Variants in SEC16B observed in about 807,000 individuals in gnomAD.
SEC16B encodes the protein protein transport protein Sec16B.
SEC16B carries 115 observed loss-of-function variants against 141.8 expected under a neutral mutation model. The ratio of observed to expected loss-of-function variants is 0.81; its 90% CI spans 0.70 to 0.95. The LOEUF (loss-of-function observed/expected upper bound fraction) is 0.95. Among genes scored for constraint, SEC16B ranks in the 40% least tolerant of loss-of-function variants. The probability of loss-of-function intolerance (pLI) is 0.00; values close to 1 mark genes in which losing one functional copy is unlikely to be tolerated. For synonymous variants in SEC16B, 493 were observed against 492.5 expected (o/e 1.00, Z -0.01); for missense variants, 1,291 against 1,312.3 (o/e 0.98, Z 0.25).
chr1:177,931,287 C>A (rs1327725477), intron 24 of SEC16B, among the ~76,000 whole-genome samples: 5 of 152,118 alleles, frequency 3.3e-5, no homozygotes, highest in Non-Finnish European at 5.9e-5. Context: ...TTGGATGAAG[C>A]CGGAGTCCAT....
At chr1:177,973,497 A>T (rs12087891), upstream of SEC16B, among the ~76,000 whole-genome samples, 17,775 of 152,222 alleles carry the variant, frequency 0.12, 1,770 homozygotes, top group African/African-American at 0.27. Flanking sequence ...ATTTTTAATC[A>T]ATAGTGTTAG....
At chr1:177,959,936 G>A (rs1254787824) in intron 8 of SEC16B, 1 of 224,644 alleles carries the variant, frequency 4.5e-6, no homozygotes, top group Non-Finnish European at 8.8e-6. Flanking sequence ...CTTGAACACT[G>A]CCGATCTTAT....
intron 5 of SEC16B, 32 bp downstream of exon 5, chr1:177,964,139 C>T (rs1202708752): frequency 2.0e-6 from 3 of 1,504,550 alleles, no homozygotes; most frequent in South Asian, 1.2e-5. Context: ...CACATGGCCA[C>T]AGTCTCCAGC....
At chr1:177,932,673 C>T (rs1650528759) in intron 23 of SEC16B, 25 bp downstream of exon 23, 1 of 1,545,776 alleles carries the variant, frequency 6.5e-7, no homozygotes. Context: ...CCACCCATGG[C>T]CCAGAGGACG....
Position 177,941,963 on chromosome 1 carries a change from A to C in SEC16B, c.1959T>G (p.Ile653Met). ...VSQALHYCEA[I>M]GAAVLSQGES... Reference sequence around the variant, plus strand: ...CTCCCTGGCTCAAGACAGCTGCACCAATGGCTTCGCAGTAATGCAAAGCCT... The same window carrying C: ...CTCCCTGGCTCAAGACAGCTGCACCCATGGCTTCGCAGTAATGCAAAGCCT... The change falls in exon 16 of 26, where the codon ATT becomes ATG. Residue 653 changes from isoleucine to methionine, a missense_variant. This residue lies in a region of SEC16B where 605 missense variants were observed against 614.1 expected (regional missense o/e 0.99). Transcript: ENST00000308284. The C allele has an allele frequency of 6.2e-7, 1 of 1,614,058 alleles. No homozygotes were observed. The highest frequency in any genetic ancestry group is 8.5e-7 in the Non-Finnish European group (1 of 1,179,892).
intron 1 of SEC16B, among the ~76,000 whole-genome samples, chr1:177,979,925 G>A (rs1654336528): frequency 6.6e-6 from 1 of 152,140 alleles, no homozygotes; most frequent in South Asian, 2.1e-4. Context: ...CCTTCCACCA[G>A]GTCCCTCCCA....
At chr1:177,957,426 T>A (rs1044777394) in intron 10 of SEC16B, among the ~76,000 whole-genome samples, 1 of 152,186 alleles carries the variant, frequency 6.6e-6, no homozygotes, top group African/African-American at 2.4e-5. Flanking sequence ...CAACTGTATA[T>A]GCAATTTTAT....
At chr1:177,942,074 C>T in intron 15 of SEC16B, 34 bp from the exon 16 acceptor site, 1 of 1,589,534 alleles carries the variant, frequency 6.3e-7, no homozygotes, top group South Asian at 1.1e-5. Context: ...ACTAGTCCAT[C>T]CAGGCAGGGA....
At chr1:177,939,295 G>A (rs2101914964) in intron 18 of SEC16B, among the ~76,000 whole-genome samples, 1 of 152,268 alleles carries the variant, frequency 6.6e-6, no homozygotes, top group Middle Eastern at 3.4e-3. Flanking sequence ...CAATCATCTG[G>A]CAATCACTAG....
chr1:177,929,739 A>C lies in SEC16B; in HGVS notation c.*119T>G, dbSNP rs1345672507. ...TGCCTTCTAAGTGCCCGGTGGAGGC[A>C]TCGGGCTAGCACAAACCTCTTGAGG... On this transcript the variant is annotated 3_prime_UTR_variant, in exon 26 of 26. Transcript: ENST00000308284. 3 of 1,061,600 alleles carry C rather than the reference A, an allele frequency of 2.8e-6. No individual in the cohort carries two copies. The highest frequency in any genetic ancestry group is 4.2e-6 in the Non-Finnish European group (3 of 706,520). 65.8% of individuals were successfully genotyped at this position (1,061,600 alleles called of 1,614,324 possible).
intron 1 of SEC16B, among the ~76,000 whole-genome samples, chr1:177,977,985 T>A (rs938642589): frequency 3.0e-4 from 46 of 151,794 alleles, no homozygotes; most frequent in African/African-American, 1.1e-3. Context: ...ATTACAGGAG[T>A]GGGTTTTCAA....
intron 17 of SEC16B, among the ~76,000 whole-genome samples, chr1:177,940,392 G>A (rs1651187983): frequency 6.6e-6 from 1 of 152,162 alleles, no homozygotes; most frequent in Non-Finnish European, 1.5e-5. Context: ...TGCGAACATA[G>A]GAAAACGCTT....
chr1:177,962,600 G>A (rs1290716436), intron 5 of SEC16B, among the ~76,000 whole-genome samples: 1 of 151,744 alleles, frequency 6.6e-6, no homozygotes, highest in Non-Finnish European at 1.5e-5. Flanking sequence ...AAAAAATTTA[G>A]CTGGGCATGG....
intron 18 of SEC16B, among the ~76,000 whole-genome samples, chr1:177,939,246 G>A (rs992231704): frequency 1.3e-5 from 2 of 152,222 alleles, no homozygotes; most frequent in African/African-American, 4.8e-5. Context: ...CAAGGGAAGA[G>A]TGGAGATGCC....
intron 17 of SEC16B, 108 bp from the exon 18 acceptor site, chr1:177,939,885 G>T: frequency 1.1e-6 from 1 of 900,682 alleles, no homozygotes; most frequent in Non-Finnish European, 1.7e-6. Context: ...CAGTGGGAAA[G>T]ACAAGGTAAG....
intron 5 of SEC16B, among the ~76,000 whole-genome samples, chr1:177,962,748 A>C (rs1416668839): frequency 6.6e-6 from 1 of 151,878 alleles, no homozygotes; most frequent in Non-Finnish European, 1.5e-5. Flanking sequence ...TCTGTCTCTA[A>C]ATAAATAAAT....
chr1:177,945,540 C>A (rs1007914590), intron 14 of SEC16B: 17 of 152,156 alleles, frequency 1.1e-4, no homozygotes, highest in African/African-American at 4.1e-4. Context: ...CAGTGGTAGG[C>A]AGTGTGGTGC....
intron 14 of SEC16B, chr1:177,945,318 C>A (rs1000695782): frequency 6.6e-6 from 1 of 152,218 alleles, no homozygotes; most frequent in African/African-American, 2.4e-5. Context: ...TGTTTAAAAA[C>A]CACAATCACC....
Position 177,946,449 on chromosome 1 carries a change from G to A in SEC16B, c.1746C>T (p.Asp582=). The A allele has an allele frequency of 6.3e-7, 1 of 1,577,926 alleles. No individual in the cohort carries two copies. Among genetic ancestry groups the A allele is most frequent in the Non-Finnish European group, 8.6e-7 (1 of 1,162,052 alleles). Reference sequence around the variant, plus strand: ...GGCTGCTGCCCAGCAAGACCAGATGGTCTGTCTTCACGGTGTAGTGGCCAA... The same window carrying A: ...GGCTGCTGCCCAGCAAGACCAGATGATCTGTCTTCACGGTGTAGTGGCCAA... The part of the protein sequence containing the change: ...VPFGHYTVKT[D]HLVLLGSSHS... The change falls in exon 14 of 26, where the codon GAC becomes GAT. Residue 582 remains aspartate, a synonymous_variant. Transcript: ENST00000308284.
Sources: gnomAD v4.1 joint callset for allele counts (sites outside exome capture counted in the v4.1 genomes callset) on GRCh38, gnomAD v4.1.1 for gene constraint, gnomAD v4.1.1 regional missense constraint, MANE v1.5 for transcripts, NCBI Gene and HGNC (gene_info 2026-07-23, HGNC 2026-07-21) for gene names.